SEL1L3: variants seen among roughly 807,000 people sequenced by gnomAD.
SEL1L3 encodes protein sel-1 homolog 3.
A neutral mutation model predicts 142.8 loss-of-function variants in SEL1L3; 76 were observed. The observed-to-expected ratio is 0.53, with a 90% CI of 0.44 to 0.64. SEL1L3 has a LOEUF of 0.64. SEL1L3 is among the 30% of genes least tolerant of loss of function. SEL1L3 has a pLI of 0.00. For missense variants in SEL1L3, 1,262 were observed against 1,381.7 expected, an observed-to-expected ratio of 0.91 and a Z score of 1.37; for synonymous variants, 504 against 519.6, an observed-to-expected ratio of 0.97 and a Z score of 0.41.
At chr4:25,787,217 G>T (rs1187433172) in intron 13 of SEL1L3, among the ~76,000 whole-genome samples, 1 of 152,228 alleles carries the variant, frequency 6.6e-6, no homozygotes, top group East Asian at 1.9e-4. Flanking sequence ...TAAATGAACA[G>T]CAATCATAAT....
Position 25,748,324 on chromosome 4 carries a change from G to T in SEL1L3, c.*101C>A. 1 of 1,236,230 alleles carries T rather than the reference G, an allele frequency of 8.1e-7. No individual in the cohort carries two copies. Among genetic ancestry groups the T allele is most frequent in the Non-Finnish European group, 1.1e-6 (1 of 905,956 alleles). 76.6% of individuals were successfully genotyped at this position (1,236,230 alleles called of 1,614,324 possible). On this transcript the variant is annotated 3_prime_UTR_variant, in exon 24 of 24. Coordinates refer to ENST00000399878, the MANE Select transcript of SEL1L3 (RefSeq NM_015187.5). Reference sequence around the variant, plus strand: ...TGCAAAATTTGCATCCAGTTGACAAGACATTTAAGGTGTTTATCAGGATCA... The same window carrying T: ...TGCAAAATTTGCATCCAGTTGACAATACATTTAAGGTGTTTATCAGGATCA...
chr4:25,782,146 TC>T lies in SEL1L3; in HGVS notation c.2457+95del, dbSNP rs1037073372. On this transcript the variant is annotated intron_variant, in intron 15 of 23. Coordinates refer to ENST00000399878, the MANE Select transcript of SEL1L3 (RefSeq NM_015187.5). ...GAGCTCCTCGAGGACAGGGACTGTGTCTGGGGTTGGGTCTGGTGCACACAGT... is the reference window on the plus strand; with the variant it reads ...GAGCTCCTCGAGGACAGGGACTGTGTTGGGGTTGGGTCTGGTGCACACAGT... 49 of 1,069,048 alleles carry T rather than the reference TC, an allele frequency of 4.6e-5. 1 individual carries two copies. The highest frequency in any genetic ancestry group is 2.9e-4 in the Admixed American group (14 of 48,266). 66.2% of individuals were successfully genotyped at this position (1,069,048 alleles called of 1,614,324 possible).
In SEL1L3 at chr4:25,835,333, GCAAAATGGCTCCCTTT is replaced by G. The variant is rs1715748173; in HGVS notation, c.734-26_734-11del. 5.0e-6 allele frequency: 8 copies of G among 1,612,806 alleles called. No individual in the cohort carries two copies. The highest frequency in any genetic ancestry group is 6.8e-6 in the Non-Finnish European group (8 of 1,179,156). On this transcript the variant is annotated splice_polypyrimidine_tract_variant and intron_variant, in intron 2 of 23. Coordinates refer to ENST00000399878, the MANE Select transcript of SEL1L3 (RefSeq NM_015187.5). ...AGCAGGGCAACCACATCTGCAAACA[GCAAAATGGCTCCCTTT>G]CAATTATATCCAGAAAAACATTCCT...
intron 11 of SEL1L3, among the ~76,000 whole-genome samples, chr4:25,790,852 A>G (rs1259215981): frequency 6.6e-6 from 1 of 152,210 alleles, no homozygotes; most frequent in Non-Finnish European, 1.5e-5. Context: ...TCCAAATGAT[A>G]TAAGCACGCA....
intron 23 of SEL1L3, among the ~76,000 whole-genome samples, chr4:25,751,575 C>T (rs1717591053): frequency 6.6e-6 from 1 of 151,442 alleles, no homozygotes; most frequent in Non-Finnish European, 1.5e-5. Context: ...GACTGAGCTG[C>T]CTGGTGGAAT....
At chr4:25,738,015 G>A in the SEL1L3 span, among the ~76,000 whole-genome samples, 10 of 152,064 alleles carry the variant, frequency 6.6e-5, no homozygotes, top group African/African-American at 1.7e-4. Context: ...TCAGCCGCCT[G>A]AGTAGCTGGG....
chr4:25,715,615 A>G, the SEL1L3 span, among the ~76,000 whole-genome samples: 1 of 152,100 alleles, frequency 6.6e-6, no homozygotes, highest in Non-Finnish European at 1.5e-5. Context: ...TGATAAAAGA[A>G]CAAGGTTACT....
chr4:25,775,347 T>G (rs2109155557), intron 17 of SEL1L3, among the ~76,000 whole-genome samples: 1 of 152,374 alleles, frequency 6.6e-6, no homozygotes, highest in South Asian at 2.1e-4. Context: ...TGAGATGCTA[T>G]CTGTTGGTTG....
intron 23 of SEL1L3, among the ~76,000 whole-genome samples, chr4:25,749,390 G>A (rs963956015): frequency 1.3e-5 from 2 of 151,988 alleles, no homozygotes; most frequent in African/African-American, 2.4e-5. Flanking sequence ...AAGTGCCAAT[G>A]TGTAAATGTA....
chr4:25,840,352 C>T lies in SEL1L3; in HGVS notation c.734-5029G>A, dbSNP rs149993992. 1.8e-4 allele frequency among the ~76,000 whole-genome samples: 27 copies of T among 152,122 alleles called. 1 individual carries two copies. In the Middle Eastern group the frequency reaches 0.017, roughly 96 times the overall value. On this transcript the variant is annotated intron_variant, in intron 2 of 23. Transcript: ENST00000399878. ...ATATAGTTTATAACTACTAAAAGTACTATCATGACATTGACTTGAATAGTC... is the reference window on the plus strand; with the variant it reads ...ATATAGTTTATAACTACTAAAAGTATTATCATGACATTGACTTGAATAGTC...
At chr4:25,775,118 G>A (rs1340260808) in intron 17 of SEL1L3, among the ~76,000 whole-genome samples, 2 of 152,222 alleles carry the variant, frequency 1.3e-5, no homozygotes, top group African/African-American at 4.8e-5. Context: ...TTTATGAACT[G>A]AAGTTCACTT....
At chr4:25,734,298 G>A in the SEL1L3 span, among the ~76,000 whole-genome samples, 1 of 151,586 alleles carries the variant, frequency 6.6e-6, no homozygotes, top group Admixed American at 6.6e-5. Context: ...TGCCCATCTC[G>A]GCCTCCCAAA....
chr4:25,842,237 G>A (rs1577684399), intron 2 of SEL1L3, among the ~76,000 whole-genome samples: 1 of 150,610 alleles, frequency 6.6e-6, no homozygotes, highest in Middle Eastern at 3.4e-3. Context: ...ATTTCTGGTT[G>A]TGGAAATTAA....
chr4:25,786,428 G>A (rs1711834464), intron 13 of SEL1L3, among the ~76,000 whole-genome samples: 2 of 152,094 alleles, frequency 1.3e-5, no homozygotes, highest in Non-Finnish European at 2.9e-5. Flanking sequence ...AAGTCTTACG[G>A]TGTGAGAAAG....
chr4:25,733,545 G>A, the SEL1L3 span, among the ~76,000 whole-genome samples: 11 of 109,776 alleles, frequency 1.0e-4, no homozygotes, highest in East Asian at 3.2e-4. Context: ...TTTTTGAGAT[G>A]GAGTCTCACT....
chr4:25,773,594 A>G (rs1243259332), intron 17 of SEL1L3: 1 of 152,114 alleles, frequency 6.6e-6, no homozygotes, highest in Non-Finnish European at 1.5e-5. Context: ...GCTGTTTGAT[A>G]AGCATCTAAG....
chr4:25,769,897 G>A (rs1719031885), intron 17 of SEL1L3, among the ~76,000 whole-genome samples: 1 of 152,164 alleles, frequency 6.6e-6, no homozygotes, highest in Admixed American at 6.5e-5. Context: ...GGAGGGTGAG[G>A]CGGGAAGATC....
At chr4:25,727,791 C>A in the SEL1L3 span, among the ~76,000 whole-genome samples, 3 of 152,170 alleles carry the variant, frequency 2.0e-5, no homozygotes, top group African/African-American at 4.8e-5. Flanking sequence ...GGGTGCATCC[C>A]AGGATGGGAG....
the SEL1L3 span, among the ~76,000 whole-genome samples, chr4:25,740,617 C>T: frequency 1.3e-5 from 2 of 152,052 alleles, no homozygotes. Context: ...TGGACCTGTG[C>T]AGAGTTTGGG....
Sources: gnomAD v4.1 joint callset for allele counts (sites outside exome capture counted in the v4.1 genomes callset) on GRCh38, gnomAD v4.1.1 for gene constraint, MANE v1.5 for transcripts, NCBI Gene and HGNC (gene_info 2026-07-23, HGNC 2026-07-21) for gene names.